BEND7: variants seen among roughly 807,000 people sequenced by gnomAD.
BEND7 encodes the protein BEN domain containing 7, also known as BEN domain-containing protein 7.
BEND7 carries 28 observed loss-of-function variants against 50.9 expected under a neutral mutation model. That is an observed-to-expected ratio of 0.55 (90% CI 0.41 to 0.75). The LOEUF is 0.75. Among genes scored for constraint, BEND7 ranks in the 30% least tolerant of loss-of-function variants. The pLI is 0.00. For synonymous variants in BEND7, 170 were observed against 183.9 expected (o/e 0.92, Z 0.61); for missense variants, 477 against 491.3 (o/e 0.97, Z 0.28).
chr10:13,504,111 A>AAGTGAC (rs1200356507), intron 2 of BEND7, among the ~76,000 whole-genome samples: 17 of 152,340 alleles, frequency 1.1e-4, no homozygotes, highest in African/African-American at 3.6e-4. Flanking sequence ...TGAAGACTCC[A>AAGTGAC]AGTGACAATG....
chr10:13,441,604 T>G lies in BEND7; in HGVS notation c.*139A>C. The G allele has an allele frequency of 1.3e-6, 2 of 1,523,284 alleles. No homozygotes were observed. Among genetic ancestry groups the G allele is most frequent in the Non-Finnish European group, 8.8e-7 (1 of 1,136,132 alleles). 94.4% of individuals were successfully genotyped at this position (1,523,284 alleles called of 1,614,324 possible). A position where few individuals can be genotyped will look rare whatever the true frequency, so the allele number is the denominator to read the frequency against. ...GTTTCTGCCTTGACCAGCAACATAC[T>G]CATCCTATTTTAACACGGCGAAAGG... is the stretch of plus-strand genomic sequence containing the variant. On this transcript the variant is annotated 3_prime_UTR_variant, in exon 9 of 9. Transcript: ENST00000466271.
rs530367499 is a variant in BEND7, at chr10:13,492,967, A to G, written c.572-91T>C. 6.9e-6 allele frequency: 10 copies of G among 1,442,114 alleles called. No individual in the cohort carries two copies. In the African/African-American group the frequency reaches 1.4e-4, roughly 21 times the overall value. The allele number at this position is 1,442,114 out of a possible 1,614,324, so 89.3% of individuals were successfully genotyped here. ...TCTATCCATGTGATCTACAAACTGA[A>G]ACCGAAACGAGGAAAACTCCAGGAT... On this transcript the variant is annotated intron_variant, in intron 4 of 8. Transcript: ENST00000466271.
chr10:13,457,726 G>T (rs1308586125), intron 6 of BEND7, among the ~76,000 whole-genome samples: 1 of 152,228 alleles, frequency 6.6e-6, no homozygotes, highest in East Asian at 1.9e-4. Context: ...GAGGTATTGG[G>T]GAGACAGAAT....
chr10:13,447,410 A>G lies in BEND7; in HGVS notation c.1184-94T>C. On this transcript the variant is annotated intron_variant, in intron 7 of 8. Coordinates refer to ENST00000466271, the MANE Select transcript of BEND7 (RefSeq NM_001369863.1). ...GTGATGTAATTTTAAAAACTCCAGT[A>G]TACATAACTGTTTTCACCATTCTTT... 2.4e-6 allele frequency: 3 copies of G among 1,248,704 alleles called. No individual in the cohort carries two copies. The South Asian group carries it at 3.8e-5, about 16-fold the overall frequency. The allele number at this position is 1,248,704 out of a possible 1,614,324, so 77.4% of individuals were successfully genotyped here.
chr10:13,453,416 G>A (rs7074617), intron 6 of BEND7, among the ~76,000 whole-genome samples: 47,148 of 151,998 alleles, frequency 0.31, 8,579 homozygotes, highest in East Asian at 0.68. Flanking sequence ...ACATCACACT[G>A]CCTCCTTGGT....
chr10:13,451,745 T>C (rs1403452159), intron 7 of BEND7, among the ~76,000 whole-genome samples: 1 of 83,770 alleles, frequency 1.2e-5, no homozygotes, highest in Non-Finnish European at 2.2e-5. Context: ...TATCCCCTAA[T>C]GCTATCCCTC....
chr10:13,459,252 T>A (rs1839704899), intron 6 of BEND7, among the ~76,000 whole-genome samples: 1 of 152,120 alleles, frequency 6.6e-6, no homozygotes, highest in African/African-American at 2.4e-5. Context: ...GGCTGGCAGA[T>A]TACCTGTCCC....
chr10:13,477,978 T>G (rs1473477930), intron 6 of BEND7, among the ~76,000 whole-genome samples: 1 of 152,076 alleles, frequency 6.6e-6, no homozygotes, highest in Non-Finnish European at 1.5e-5. Context: ...GGCAGATAAG[T>G]TAACAGGAGA....
Position 13,528,479 on chromosome 10 carries a change from T to C in BEND7, c.55A>G (p.Ser19Gly), listed in dbSNP as rs1183325527. ...CGCCCCGGCGGCCGCTTACCTCGGCTCACCAGTTTGAAGCTCTGGGATTTC... is the reference window on the plus strand; with the variant it reads ...CGCCCCGGCGGCCGCTTACCTCGGCCCACCAGTTTGAAGCTCTGGGATTTC... ...SRKSQSFKLV[S>G]RDYHHEVYKI... is the part of the protein sequence containing the mutation. The change falls in exon 1 of 9, where the codon AGC becomes GGC. Residue 19 changes from serine (S) to glycine (G), a missense_variant. Coordinates refer to ENST00000466271, the MANE Select transcript of BEND7 (RefSeq NM_001369863.1). 16 of 1,034,874 alleles carry C rather than the reference T, an allele frequency of 1.5e-5. No homozygotes were observed. Among genetic ancestry groups the C allele is most frequent in the Non-Finnish European group, 1.9e-5 (16 of 862,104 alleles). 64.1% of individuals were successfully genotyped at this position (1,034,874 alleles called of 1,614,324 possible). A position where few individuals can be genotyped will look rare whatever the true frequency, so the allele number is the denominator to read the frequency against.
intron 6 of BEND7, among the ~76,000 whole-genome samples, chr10:13,458,162 T>G (rs1306113540): frequency 6.6e-6 from 1 of 152,264 alleles, no homozygotes; most frequent in Non-Finnish European, 1.5e-5. Context: ...TTTTCCCAGA[T>G]GCTAGCATTC....
downstream of BEND7, among the ~76,000 whole-genome samples, chr10:13,439,921 C>T (rs534229938): frequency 1.3e-5 from 2 of 152,360 alleles, no homozygotes; most frequent in African/African-American, 4.8e-5. Flanking sequence ...CCTCCCCTCT[C>T]GCCCGTCTTT....
At position 13,475,686 on chromosome 10, in the gene BEND7, T is replaced by C. The variant is rs188953023; in HGVS notation, c.1063+5213A>G. 2.2e-3 allele frequency among the ~76,000 whole-genome samples: 270 copies of C among 120,578 alleles called. 2 individuals carry two copies. Among genetic ancestry groups the C allele is most frequent in the Non-Finnish European group, 1.2e-4 (7 of 57,608 alleles). 79.1% of individuals were successfully genotyped at this position (120,578 alleles called of 152,430 possible). ...GTCATCTGAAATCATCTGTATTTCC[T>C]AGTGGAATTTATAAAGAATCCAAAT... On this transcript the variant is annotated intron_variant, in intron 6 of 8. Transcript: ENST00000466271.
chr10:13,525,150 C>T (rs1055871092), intron 2 of BEND7, among the ~76,000 whole-genome samples: 2 of 152,204 alleles, frequency 1.3e-5, no homozygotes, highest in Non-Finnish European at 2.9e-5. Context: ...TGCCCTCACC[C>T]TGCTACCTGG....
Position 13,441,203 on chromosome 10 carries a change from T to C in BEND7, c.*540A>G. 1 of 948,464 alleles carries C rather than the reference T, an allele frequency of 1.1e-6. No individual in the cohort carries two copies. The highest frequency in any genetic ancestry group is 1.3e-6 in the Non-Finnish European group (1 of 796,314). 58.8% of individuals were successfully genotyped at this position (948,464 alleles called of 1,614,324 possible). A position where few individuals can be genotyped will look rare whatever the true frequency, so the allele number is the denominator to read the frequency against. On this transcript the variant is annotated 3_prime_UTR_variant, in exon 9 of 9. Transcript: ENST00000466271. ...TCACAACCAGGCTTGCATTGAATTC[T>C]TTTTTAAAGAACATAGTAATTTTAA...
chr10:13,495,531 A>G (rs1433052084), intron 4 of BEND7, among the ~76,000 whole-genome samples: 1 of 152,038 alleles, frequency 6.6e-6, no homozygotes, highest in East Asian at 1.9e-4. Context: ...GCGTGGTGGC[A>G]CATGCCTGTA....
At chr10:13,506,757 G>C (rs1258868535) in intron 2 of BEND7, among the ~76,000 whole-genome samples, 1 of 138,384 alleles carries the variant, frequency 7.2e-6, no homozygotes, top group Admixed American at 7.5e-5. Context: ...TGGAAATGGA[G>C]CGAGATGGAG....
At chr10:13,510,617 G>T (rs190626694) in intron 2 of BEND7, among the ~76,000 whole-genome samples, 10 of 152,310 alleles carry the variant, frequency 6.6e-5, no homozygotes, top group African/African-American at 2.4e-4. Flanking sequence ...TTGGAATTAT[G>T]TGAAAGACAA....
At chr10:13,449,473 G>A (rs963497038) in intron 7 of BEND7, among the ~76,000 whole-genome samples, 2 of 152,170 alleles carry the variant, frequency 1.3e-5, no homozygotes, top group African/African-American at 4.8e-5. Context: ...CTCACTCCAG[G>A]TAACACAGCT....
At chr10:13,510,071 CA>C (rs2078171396) in intron 2 of BEND7, among the ~76,000 whole-genome samples, 1 of 151,968 alleles carries the variant, frequency 6.6e-6, no homozygotes, top group South Asian at 2.1e-4. Context: ...AAGTAATATT[CA>C]AGAATAATCA....
Sources: gnomAD v4.1 joint callset for allele counts (sites outside exome capture counted in the v4.1 genomes callset) on GRCh38, gnomAD v4.1.1 for gene constraint, MANE v1.5 for transcripts, NCBI Gene and HGNC (gene_info 2026-07-23, HGNC 2026-07-21) for gene names.